The following ARPC3 variants were observed in gnomAD, a reference collection of about 807,000 sequenced individuals.
ARPC3 encodes actin related protein 2/3 complex subunit 3.
In ARPC3, 12 loss-of-function variants were observed where a neutral mutation model predicts 27.6. The ratio of observed to expected loss-of-function variants is 0.43; its 90% CI spans 0.28 to 0.70. The LOEUF (loss-of-function observed/expected upper bound fraction) is 0.70, where lower values mean the gene tolerates loss of function less well. Ranked by LOEUF, ARPC3 falls within the 30% of genes least tolerant of loss-of-function variation. ARPC3 has a pLI of 0.17. For missense variants in ARPC3, 153 were observed against 207.7 expected, an observed-to-expected ratio of 0.74 and a Z score of 1.62; for synonymous variants, 53 against 67.2, an observed-to-expected ratio of 0.79 and a Z score of 1.03.
intron 1 of ARPC3, among the ~76,000 whole-genome samples, chr12:110,449,959 C>T (rs2062491132): frequency 6.6e-6 from 1 of 152,218 alleles, no homozygotes; most frequent in South Asian, 2.1e-4. Context: ...TGGCTTCGCT[C>T]TCTAGTGAGG....
chr12:110,436,327 A>G (rs1329757697), intron 5 of ARPC3, 123 bp from the exon 6 acceptor site: 13 of 1,080,912 alleles, frequency 1.2e-5, no homozygotes, highest in Non-Finnish European at 1.8e-5. Flanking sequence ...CAAAATAGAA[A>G]TGACAGTCCA....
At chr12:110,448,054 T>A (rs2062475998) in intron 1 of ARPC3, among the ~76,000 whole-genome samples, 2 of 151,976 alleles carry the variant, frequency 1.3e-5, no homozygotes, top group African/African-American at 4.8e-5. Context: ...AATTTATTTT[T>A]ATTTTTGTAG....
At chr12:110,435,711 C>T (rs751717583) in intron 6 of ARPC3, among the ~76,000 whole-genome samples, 29 of 152,006 alleles carry the variant, frequency 1.9e-4, no homozygotes, top group South Asian at 4.1e-4. Flanking sequence ...GCAACCTCCA[C>T]TTCCTGGGTT....
At chr12:110,449,290 C>T (rs1488160524) in intron 1 of ARPC3, among the ~76,000 whole-genome samples, 3 of 151,836 alleles carry the variant, frequency 2.0e-5, no homozygotes, top group African/African-American at 4.8e-5. Flanking sequence ...AGGCTGGGCG[C>T]GATGGCTCAC....
intron 6 of ARPC3, 32 bp from the exon 7 acceptor site, chr12:110,435,249 C>T (rs749486124): frequency 1.0e-5 from 16 of 1,524,224 alleles, no homozygotes; most frequent in African/African-American, 1.4e-5. Context: ...GAATGAACAG[C>T]GGGGTCAAAT....
chr12:110,443,888 C>T lies in ARPC3; in HGVS notation c.106+1564G>A, dbSNP rs796238599. Among the ~76,000 whole-genome samples, 6 of 151,846 alleles carry T rather than the reference C, an allele frequency of 4.0e-5. No individual in the cohort carries two copies. In the South Asian group the frequency reaches 1.0e-3, roughly 26 times the overall value. ...TACTTGGCACATAAAAGGCATTCTA[C>T]AGATATTTGTTGAATATAAATGAAT... is the stretch of plus-strand genomic sequence containing the variant. On this transcript the variant is annotated intron_variant, in intron 2 of 6. Transcript: ENST00000228825.
At chr12:110,442,992 C>T (rs527616668) in intron 2 of ARPC3, 9 of 152,290 alleles carry the variant, frequency 5.9e-5, no homozygotes, top group African/African-American at 2.2e-4. Context: ...TTAACGTTCT[C>T]GCACAGCAGA....
At chr12:110,444,211 TCCAC>T (rs567020033) in intron 2 of ARPC3, among the ~76,000 whole-genome samples, 142 of 152,208 alleles carry the variant, frequency 9.3e-4, no homozygotes, top group African/African-American at 3.2e-3. Flanking sequence ...ACTCAGGTGA[TCCAC>T]CCACCTCGAC....
intron 2 of ARPC3, among the ~76,000 whole-genome samples, chr12:110,440,936 G>A (rs1225237211): frequency 4.0e-5 from 6 of 150,206 alleles, no homozygotes; most frequent in South Asian, 2.1e-4. Flanking sequence ...TCCGCCTCCC[G>A]GGTTCACGGC....
At chr12:110,437,229 G>A in intron 3 of ARPC3, 77 bp from the exon 4 acceptor site, 1 of 997,266 alleles carries the variant, frequency 1.0e-6, no homozygotes, top group Non-Finnish European at 1.6e-6. Context: ...TTCCATCTTT[G>A]TCTTCTGATT....
At chr12:110,438,490 T>C (rs1592951225) in intron 3 of ARPC3, among the ~76,000 whole-genome samples, 1 of 149,602 alleles carries the variant, frequency 6.7e-6, no homozygotes, top group African/African-American at 2.5e-5. Context: ...TCCCAGCTAC[T>C]TGGGAGGCTG....
intron 1 of ARPC3, among the ~76,000 whole-genome samples, chr12:110,449,008 T>G (rs1031326721): frequency 2.6e-5 from 4 of 151,428 alleles, no homozygotes; most frequent in Non-Finnish European, 5.9e-5. Flanking sequence ...ACTCCTGACC[T>G]CGTGATCCGC....
At chr12:110,439,767 G>A (rs905555512) in intron 3 of ARPC3, among the ~76,000 whole-genome samples, 4 of 152,252 alleles carry the variant, frequency 2.6e-5, no homozygotes, top group Admixed American at 6.5e-5. Flanking sequence ...CCAGGAGGTT[G>A]ACGGTATAGT....
At chr12:110,435,447 A>T (rs2062397866) in intron 6 of ARPC3, among the ~76,000 whole-genome samples, 1 of 150,678 alleles carries the variant, frequency 6.6e-6, no homozygotes, top group Admixed American at 6.7e-5. Flanking sequence ...CTCCTGCCTT[A>T]GCCTCCCCAG....
chr12:110,448,608 G>A (rs1474622893), intron 1 of ARPC3, among the ~76,000 whole-genome samples: 1 of 150,472 alleles, frequency 6.6e-6, no homozygotes, highest in African/African-American at 2.5e-5. Flanking sequence ...AACCGAGTTT[G>A]TGTCACTGAA....
intron 2 of ARPC3, among the ~76,000 whole-genome samples, chr12:110,441,628 G>C (rs150250786): frequency 6.6e-6 from 1 of 151,724 alleles, no homozygotes; most frequent in East Asian, 1.9e-4. Context: ...ATTCCTGAGC[G>C]CAAGTGATCC....
chr12:110,449,653 T>C (rs2062488826), intron 1 of ARPC3, among the ~76,000 whole-genome samples: 1 of 152,102 alleles, frequency 6.6e-6, no homozygotes, highest in Admixed American at 6.6e-5. Context: ...CGGTGATAAA[T>C]CTACCCCACA....
At chr12:110,447,824 C>G (rs976205863) in intron 1 of ARPC3, among the ~76,000 whole-genome samples, 4 of 151,670 alleles carry the variant, frequency 2.6e-5, no homozygotes, top group African/African-American at 4.8e-5. Flanking sequence ...ACAAACAAAA[C>G]CCAACAGAGT....
At position 110,439,607 on chromosome 12, in the gene ARPC3, C is replaced by T. The variant is rs375370188; in HGVS notation, c.183+705G>A. Among the ~76,000 whole-genome samples the T allele has an allele frequency of 6.6e-5, 10 of 152,154 alleles. No homozygotes were observed. In the South Asian group the frequency reaches 1.5e-3, roughly 22 times the overall value. On this transcript the variant is annotated intron_variant, in intron 3 of 6. Transcript: ENST00000228825. ...CAGCACACTGAGAGGCTGAGGTGAGCGGATCATGAGGTCAGGAGATCGAGA... is the reference window on the plus strand; with the variant it reads ...CAGCACACTGAGAGGCTGAGGTGAGTGGATCATGAGGTCAGGAGATCGAGA...
Sources: gnomAD v4.1 joint callset for allele counts (sites outside exome capture counted in the v4.1 genomes callset) on GRCh38, gnomAD v4.1.1 for gene constraint, MANE v1.5 for transcripts, NCBI Gene and HGNC (gene_info 2026-07-23, HGNC 2026-07-21) for gene names.